Variants in RAB3B observed in about 807,000 individuals in gnomAD.
RAB3B encodes ras-related protein Rab-3B.
A neutral mutation model predicts 20.5 loss-of-function variants in RAB3B; 11 were observed. The observed-to-expected ratio is 0.54, with a 90% CI of 0.34 to 0.89. The LOEUF (loss-of-function observed/expected upper bound fraction) is 0.89. Ranked by LOEUF, RAB3B falls within the 40% of genes least tolerant of loss-of-function variation. RAB3B has a pLI of 0.02. For missense variants in RAB3B, 225 were observed against 280.9 expected, an observed-to-expected ratio of 0.80 and a Z score of 1.42; for synonymous variants, 99 against 106.3, an observed-to-expected ratio of 0.93 and a Z score of 0.42.
intron 2 of RAB3B, among the ~76,000 whole-genome samples, chr1:51,953,906 C>T (rs189085041): frequency 6.6e-6 from 1 of 152,106 alleles, no homozygotes; most frequent in East Asian, 1.9e-4. Context: ...CTTTTTTAAC[C>T]TACTGAATTA....
At chr1:51,922,674 CT>C (rs57185867) in intron 4 of RAB3B, among the ~76,000 whole-genome samples, 79 of 146,038 alleles carry the variant, frequency 5.4e-4, no homozygotes, top group Admixed American at 1.7e-3. Context: ...TAAGCCAGGT[CT>C]TTTTTTTTTT....
At chr1:51,933,279 A>T (rs753170997) in intron 4 of RAB3B, 39 bp downstream of exon 4, 4 of 1,604,962 alleles carry the variant, frequency 2.5e-6, no homozygotes, top group Non-Finnish European at 3.4e-6. Flanking sequence ...GAGCATGTGT[A>T]CAAATGCACA....
At chr1:51,941,776 C>T (rs933190766) in intron 2 of RAB3B, among the ~76,000 whole-genome samples, 10 of 152,186 alleles carry the variant, frequency 6.6e-5, no homozygotes, top group African/African-American at 2.4e-4. Flanking sequence ...TACTCTCCAC[C>T]TCAATCAGCT....
In RAB3B at chr1:51,935,913, AC is replaced by A. The variant is rs1219891066; in HGVS notation, c.347+1380del. On this transcript the variant is annotated intron_variant, in intron 3 of 4. Transcript: ENST00000371655. Reference sequence around the variant, plus strand: ...TAACCAGGAGGCAGAAAAGGAGAACACAGACCCCCAGGAATGACAGACATGC... The same window carrying A: ...TAACCAGGAGGCAGAAAAGGAGAACAAGACCCCCAGGAATGACAGACATGC... 3.3e-5 allele frequency among the ~76,000 whole-genome samples: 5 copies of A among 152,240 alleles called. No individual in the cohort carries two copies. In the South Asian group the frequency reaches 8.3e-4, roughly 25 times the overall value.
chr1:51,920,143 C>T, intron 4 of RAB3B, 29 bp from the exon 5 acceptor site: 2 of 1,573,870 alleles, frequency 1.3e-6, no homozygotes, highest in Non-Finnish European at 1.7e-6. Flanking sequence ...CAGATAAGGA[C>T]TTTTCCCATC....
intron 2 of RAB3B, among the ~76,000 whole-genome samples, chr1:51,961,537 T>C (rs1684784038): frequency 6.6e-6 from 1 of 152,136 alleles, no homozygotes; most frequent in African/African-American, 2.4e-5. Context: ...TTGGTAAGAT[T>C]TGGTCAAGTC....
At chr1:51,950,469 T>C (rs759612046) in intron 2 of RAB3B, among the ~76,000 whole-genome samples, 3 of 152,196 alleles carry the variant, frequency 2.0e-5, no homozygotes. Context: ...AAAAGAATGC[T>C]AGCAAAAGAA....
rs368002076 is a variant in RAB3B at position 51,908,361 on chromosome 1, T to C, written c.*11566A>G. On this transcript the variant is annotated 3_prime_UTR_variant, in exon 5 of 5. Transcript: ENST00000371655. The stretch of plus-strand genomic sequence containing the variant: ...CTGAGGAATTCTGCTCATACTGCTA[T>C]GGTACATCTCCTAGGTTGGCATGAG... 1.1e-3 allele frequency: 173 copies of C among 152,266 alleles called. No individual in the cohort carries two copies. The highest frequency in any genetic ancestry group is 3.8e-3 in the African/African-American group (158 of 41,562). 9.4% of individuals were successfully genotyped at this position (152,266 alleles called of 1,614,324 possible).
At chr1:51,962,958 C>T (rs1439159681) in intron 2 of RAB3B, among the ~76,000 whole-genome samples, 1 of 152,194 alleles carries the variant, frequency 6.6e-6, no homozygotes, top group African/African-American at 2.4e-5. Context: ...ACACCTCCAG[C>T]TTTCAATATC....
At position 51,975,346 on chromosome 1, in the gene RAB3B, T is replaced by C. The variant is rs1684993916; in HGVS notation, c.228+1544A>G. Among the ~76,000 whole-genome samples the C allele has an allele frequency of 2.0e-5, 3 of 152,352 alleles. No homozygotes were observed. The South Asian group carries it at 6.2e-4, about 32-fold the overall frequency. On this transcript the variant is annotated intron_variant, in intron 2 of 4. Coordinates refer to ENST00000371655, the MANE Select transcript of RAB3B (RefSeq NM_002867.4). Reference sequence around the variant, plus strand: ...CTACATGTTGCTATATCATCTAAAATATGTGCATAATTTATTAGTACTATT... The same window carrying C: ...CTACATGTTGCTATATCATCTAAAACATGTGCATAATTTATTAGTACTATT...
chr1:51,926,568 C>A (rs1684246876), intron 4 of RAB3B, among the ~76,000 whole-genome samples: 2 of 152,166 alleles, frequency 1.3e-5, no homozygotes, highest in South Asian at 4.1e-4. Flanking sequence ...TGACTTGTAG[C>A]TGGTATGTAA....
chr1:51,919,908 T>G lies in RAB3B; in HGVS notation c.*19A>C, dbSNP rs74080677. 5.0e-6 allele frequency: 8 copies of G among 1,599,464 alleles called. No homozygotes were observed. The Admixed American group carries it at 1.4e-4, about 27-fold the overall frequency. On this transcript the variant is annotated 3_prime_UTR_variant, in exon 5 of 5. Transcript: ENST00000371655. The stretch of plus-strand genomic sequence containing the variant: ...GGTGTGGGGCCACAATGAGGGGAGG[T>G]CAGGAAGGTGGGCCTTGCCTAGCAT...
rs964443521 is a variant in RAB3B, at chr1:51,911,845, T to C, written c.*8082A>G. 1.3e-5 allele frequency: 2 copies of C among 152,148 alleles called. No homozygotes were observed. The highest frequency in any genetic ancestry group is 4.8e-5 in the African/African-American group (2 of 41,434). 9.4% of individuals were successfully genotyped at this position (152,148 alleles called of 1,614,324 possible). On this transcript the variant is annotated 3_prime_UTR_variant, in exon 5 of 5. Transcript: ENST00000371655. The stretch of plus-strand genomic sequence containing the variant: ...AAGGATTCTGATGGGCCCTGCTTGA[T>C]CACATGCTCCGTTTATTGACAGTCT...
At chr1:51,928,047 A>G (rs1684268819) in intron 4 of RAB3B, among the ~76,000 whole-genome samples, 1 of 152,118 alleles carries the variant, frequency 6.6e-6, no homozygotes, top group South Asian at 2.1e-4. Context: ...CAGCATCTAT[A>G]TGATCTCAAC....
intron 2 of RAB3B, among the ~76,000 whole-genome samples, chr1:51,971,010 CAAAA>C (rs3074914): frequency 1.6e-4 from 9 of 55,714 alleles, no homozygotes; most frequent in Non-Finnish European, 2.0e-4. Flanking sequence ...GACTCCGTCT[CAAAA>C]AAAAAAAAAA....
At position 51,910,220 on chromosome 1, in the gene RAB3B, G is replaced by A; in HGVS notation, c.*9707C>T. On this transcript the variant is annotated 3_prime_UTR_variant, in exon 5 of 5. Transcript: ENST00000371655. ...TGATGTCTACAGGGGTTGGAAGATA[G>A]TTTACTACATGAAATCCTTTAGTTT... is the stretch of plus-strand genomic sequence containing the variant. 6.6e-6 allele frequency: 1 copy of A among 152,310 alleles called. No homozygotes were observed. Among genetic ancestry groups the A allele is most frequent in the Middle Eastern group, 3.4e-3 (1 of 294 alleles). The allele number at this position is 152,310 out of a possible 1,614,324, so 9.4% of individuals were successfully genotyped here.
rs970908324 is a variant in RAB3B, at chr1:51,919,791, T to C, written c.*136A>G. The C allele has an allele frequency of 2.3e-6, 2 of 885,250 alleles. No homozygotes were observed. Among genetic ancestry groups the C allele is most frequent in the African/African-American group, 1.7e-5 (1 of 58,920 alleles). 54.8% of individuals were successfully genotyped at this position (885,250 alleles called of 1,614,324 possible). Reference sequence around the variant, plus strand: ...GAGAACCCCAGGGGCAGGCAAAGAATAGCAGCAACTCATCTTGCTCTGAGT... The same window carrying C: ...GAGAACCCCAGGGGCAGGCAAAGAACAGCAGCAACTCATCTTGCTCTGAGT... On this transcript the variant is annotated 3_prime_UTR_variant, in exon 5 of 5. Coordinates refer to ENST00000371655, the MANE Select transcript of RAB3B (RefSeq NM_002867.4).
At chr1:51,987,454 G>C (rs547695816) in intron 1 of RAB3B, among the ~76,000 whole-genome samples, 8 of 152,216 alleles carry the variant, frequency 5.3e-5, no homozygotes, top group Non-Finnish European at 1.0e-4. Flanking sequence ...ACCTGTATAT[G>C]GGAGGGTGTT....
intron 2 of RAB3B, among the ~76,000 whole-genome samples, chr1:51,956,474 G>A (rs554845378): frequency 6.6e-6 from 1 of 152,116 alleles, no homozygotes; most frequent in Non-Finnish European, 1.5e-5. Flanking sequence ...CTGCCTGCTA[G>A]GATGCTAAAC....
Sources: gnomAD v4.1 joint callset for allele counts (sites outside exome capture counted in the v4.1 genomes callset) on GRCh38, gnomAD v4.1.1 for gene constraint, MANE v1.5 for transcripts, NCBI Gene and HGNC (gene_info 2026-07-23, HGNC 2026-07-21) for gene names.